Variants in TRIM69 observed in about 807,000 individuals in gnomAD.
The protein encoded by TRIM69 is E3 ubiquitin-protein ligase TRIM69.
Under a neutral mutation model 37.7 loss-of-function variants are expected in TRIM69, and 29 were observed. The ratio of observed to expected loss-of-function variants is 0.77; its 90% CI spans 0.57 to 1.05. The LOEUF is 1.05. Ranked by LOEUF, TRIM69 falls within the 50% of genes least tolerant of loss-of-function variation. The pLI is 0.00. For missense variants in TRIM69, 596 were observed against 579.9 expected (o/e 1.03, Z -0.28); for synonymous variants, 209 against 212.4 (o/e 0.98, Z 0.14).
At position 44,767,407 on chromosome 15, in the gene TRIM69, T is replaced by C. The variant is rs144953961; in HGVS notation, c.1138T>C (p.Trp380Arg). The C allele has an allele frequency of 4.8e-5, 78 of 1,614,028 alleles. No individual in the cohort carries two copies. The highest frequency in any genetic ancestry group is 2.5e-6 in the Non-Finnish European group (3 of 1,180,036). The stretch of plus-strand genomic sequence containing the variant: ...AGGCTTCACCTCTGGAAAGTGGTAC[T>C]GGGAAGTAGAAGTAGCAAAGAAGAC... ...SRGFTSGKWY[W>R]EVEVAKKTKW... The change falls in exon 7 of 7, where the codon TGG (tryptophan) becomes CGG (arginine). Residue 380 changes from tryptophan (W) to arginine (R), a missense_variant. Physicochemically the swap from Trp to Arg is moderately radical, Grantham distance 101. Transcript: ENST00000329464.
chr15:44,767,343 T>G lies in TRIM69; in HGVS notation c.1074T>G (p.Pro358=), dbSNP rs1271868560. 7 of 1,614,034 alleles carry G rather than the reference T, an allele frequency of 4.3e-6. No individual in the cohort carries two copies. In the Admixed American group the frequency reaches 5.0e-5, roughly 12 times the overall value. ...GDIKKIMPDD[P]ERFDSSVAVL... is the part of the protein sequence containing the mutation. ...TTAAGAAGATAATGCCTGATGATCCTGAGAGGTTTGACTCAAGTGTGGCTG... is the reference window on the plus strand; with the variant it reads ...TTAAGAAGATAATGCCTGATGATCCGGAGAGGTTTGACTCAAGTGTGGCTG... Residue 358 remains proline, a synonymous_variant, in exon 7 of 7, where the codon CCT becomes CCG. Coordinates refer to ENST00000329464, the MANE Select transcript of TRIM69 (RefSeq NM_182985.5).
chr15:44,762,425 A>T (rs2087796102), intron 6 of TRIM69, among the ~76,000 whole-genome samples: 1 of 152,124 alleles, frequency 6.6e-6, no homozygotes, highest in South Asian at 2.1e-4. Context: ...GAATAATATC[A>T]GCTGGTATTT....
chr15:44,749,332 T>C (rs2087472945), intron 1 of TRIM69, among the ~76,000 whole-genome samples: 1 of 152,172 alleles, frequency 6.6e-6, no homozygotes. Context: ...AACATTTTCG[T>C]CCTCCCAAAA....
chr15:44,745,479 C>T (rs1230671193), intron 1 of TRIM69, among the ~76,000 whole-genome samples: 2 of 152,030 alleles, frequency 1.3e-5, no homozygotes, highest in African/African-American at 2.4e-5. Context: ...GTCAAAGTAT[C>T]GGATATTCAA....
chr15:44,744,949 C>T (rs1374264913), intron 1 of TRIM69, among the ~76,000 whole-genome samples: 1 of 151,116 alleles, frequency 6.6e-6, no homozygotes, highest in Admixed American at 6.6e-5. Flanking sequence ...AATAGAGTAA[C>T]CAAAAAGCTG....
At chr15:44,757,969 T>A (rs2087686640) in intron 3 of TRIM69, 1 of 152,678 alleles carries the variant, frequency 6.5e-6, no homozygotes, top group Admixed American at 6.5e-5. Context: ...TGAGATCCAA[T>A]AATTGTTGCA....
chr15:44,745,817 A>C (rs983190890), intron 1 of TRIM69, among the ~76,000 whole-genome samples: 2 of 152,192 alleles, frequency 1.3e-5, no homozygotes, highest in Non-Finnish European at 2.9e-5. Context: ...GAAAGAATTC[A>C]TGAAACTGAA....
At chr15:44,760,065 G>A (rs2087744175) in intron 6 of TRIM69, among the ~76,000 whole-genome samples, 193 bp downstream of exon 6, 1 of 152,178 alleles carries the variant, frequency 6.6e-6, no homozygotes, top group East Asian at 1.9e-4. Flanking sequence ...CTTTGTGCTG[G>A]TAAATAGATA....
chr15:44,737,108 GA>G (rs1162822943), intron 1 of TRIM69, among the ~76,000 whole-genome samples: 1 of 152,002 alleles, frequency 6.6e-6, no homozygotes, highest in African/African-American at 2.4e-5. Flanking sequence ...ATTTTTAATT[GA>G]ATTCTTCCTT....
intron 1 of TRIM69, among the ~76,000 whole-genome samples, chr15:44,752,705 C>G (rs1170082340): frequency 5.3e-5 from 8 of 151,988 alleles, no homozygotes; most frequent in African/African-American, 1.9e-4. Flanking sequence ...TCATTACTTC[C>G]CTTTTTTGTG....
At chr15:44,745,169 CTG>C (rs1467839244) in intron 1 of TRIM69, among the ~76,000 whole-genome samples, 1 of 151,784 alleles carries the variant, frequency 6.6e-6, no homozygotes, top group East Asian at 1.9e-4. Context: ...AAGTTGTAAA[CTG>C]TGTGTTGAAG....
chr15:44,737,049 C>T (rs935661584), intron 1 of TRIM69, among the ~76,000 whole-genome samples: 3 of 152,106 alleles, frequency 2.0e-5, no homozygotes, highest in Non-Finnish European at 4.4e-5. Flanking sequence ...AATACCTTCA[C>T]ATTTGATTAT....
intron 6 of TRIM69, among the ~76,000 whole-genome samples, chr15:44,762,378 G>C (rs2087794649): frequency 6.6e-6 from 1 of 152,122 alleles, no homozygotes; most frequent in African/African-American, 2.4e-5. Flanking sequence ...TCATTGAGCT[G>C]CTTGGATCTA....
Position 44,743,783 on chromosome 15 carries a change from C to CA in TRIM69, c.6+7074dup, listed in dbSNP as rs572509280. 2.2e-3 allele frequency among the ~76,000 whole-genome samples: 337 copies of CA among 152,200 alleles called. 1 individual carries two copies. Among genetic ancestry groups the CA allele is most frequent in the African/African-American group, 7.9e-3 (330 of 41,536 alleles). On this transcript the variant is annotated intron_variant, in intron 1 of 6. Transcript: ENST00000329464. The stretch of plus-strand genomic sequence containing the variant: ...TACCATCTCACACCAGTTAGAATGG[C>CA]ATCATTGAAAAGTCAGGAAACAACA...
intron 1 of TRIM69, chr15:44,754,495 A>T (rs1253377032): frequency 6.1e-6 from 1 of 164,898 alleles, no homozygotes; most frequent in African/African-American, 2.4e-5. Context: ...TGACGATATC[A>T]CACTACTGAC....
chr15:44,759,993 C>T, intron 6 of TRIM69, 121 bp downstream of exon 6: 5 of 1,133,428 alleles, frequency 4.4e-6, no homozygotes, highest in Non-Finnish European at 6.3e-6. Context: ...TACAGTTTGG[C>T]CAAAAGGAGG....
chr15:44,740,241 C>T (rs973678108), intron 1 of TRIM69, among the ~76,000 whole-genome samples: 13 of 152,138 alleles, frequency 8.5e-5, no homozygotes, highest in African/African-American at 3.1e-4. Flanking sequence ...ACATCACCAT[C>T]GTCAAAGACC....
chr15:44,741,870 C>A (rs1028805486), intron 1 of TRIM69, among the ~76,000 whole-genome samples: 4 of 152,306 alleles, frequency 2.6e-5, no homozygotes, highest in African/African-American at 9.6e-5. Context: ...GGATTCACAG[C>A]CGAATTCTAC....
chr15:44,738,215 C>T lies in TRIM69; in HGVS notation c.6+1505C>T, dbSNP rs186945957. On this transcript the variant is annotated intron_variant, in intron 1 of 6. Coordinates refer to ENST00000329464, the MANE Select transcript of TRIM69 (RefSeq NM_182985.5). ...CTGGGACTGCAGGGACGCACCACCA[C>T]GCCTGGCTAATTTTTGTATTATTAT... Among the ~76,000 whole-genome samples, 57 of 144,866 alleles carry T rather than the reference C, an allele frequency of 3.9e-4. No individual in the cohort carries two copies. In the East Asian group the frequency reaches 9.3e-3, roughly 24 times the overall value.
Sources: allele counts gnomAD v4.1 joint callset (sites outside exome capture counted in the v4.1 genomes callset), GRCh38; gene constraint gnomAD v4.1.1; transcripts MANE v1.5; gene names NCBI Gene and HGNC (gene_info 2026-07-23, HGNC 2026-07-21).